TLE5: variants seen among roughly 807,000 people sequenced by gnomAD.
TLE5 encodes TLE family member 5, transcriptional modulator.
In TLE5, 7 loss-of-function variants were observed where a neutral mutation model predicts 25.8. The observed-to-expected ratio is 0.27, with a 90% CI of 0.15 to 0.51. The LOEUF (loss-of-function observed/expected upper bound fraction) is 0.51. Ranked by LOEUF, TLE5 falls within the 20% of genes least tolerant of loss-of-function variation. TLE5 has a pLI of 0.97. For missense variants in TLE5, 149 were observed against 250.7 expected (o/e 0.59, Z 2.74); for synonymous variants, 132 against 110.5 (o/e 1.20, Z -1.22).
chr19:3,058,783 G>A (rs1209386444), intron 2 of TLE5, among the ~76,000 whole-genome samples: 1 of 152,168 alleles, frequency 6.6e-6, no homozygotes, highest in African/African-American at 2.4e-5. Context: ...TGGTGGTGGG[G>A]GAGGTGTCCT....
In TLE5 at chr19:3,053,591, C is replaced by T. The variant is rs963396364; in HGVS notation, c.*228G>A. Reference sequence around the variant, plus strand: ...TTGCCTCACATGTCAGGGCAGGTATCCACCTAACCAGGCTGCAGGGGAGGA... The same window carrying T: ...TTGCCTCACATGTCAGGGCAGGTATTCACCTAACCAGGCTGCAGGGGAGGA... On this transcript the variant is annotated 3_prime_UTR_variant, in exon 7 of 7. Coordinates refer to ENST00000327141, the MANE Select transcript of TLE5 (RefSeq NM_001130.6). 5 of 593,628 alleles carry T rather than the reference C, an allele frequency of 8.4e-6. No homozygotes were observed. In the South Asian group the frequency reaches 1.0e-4, roughly 12 times the overall value. The allele number at this position is 593,628 out of a possible 1,614,324, so 36.8% of individuals were successfully genotyped here.
At chr19:3,057,566 C>CGCTTCCCAGGGGAGGTG in intron 3 of TLE5, 113 bp downstream of exon 3, 1 of 1,025,412 alleles carries the variant, frequency 9.8e-7, no homozygotes, top group East Asian at 2.4e-5. Context: ...CCGATCCTCG[C>CGCTTCCCAGGGGAGGTG]GCTTCCCAGG....
At chr19:3,062,676 G>C, upstream of TLE5, 1 of 1,395,670 alleles carries the variant, frequency 7.2e-7, no homozygotes, top group East Asian at 2.9e-5. Flanking sequence ...GCCCCGGGCA[G>C]CGGCCCCCGC....
Position 3,061,271 on chromosome 19 carries a change from G to T in TLE5, c.28-14C>A, listed in dbSNP as rs764329918. ...GTGCGAGGAGCCCTGTAGGGATGGG[G>T]CGGCCCGGGTCAGGCCCAGGCGTGG... On this transcript the variant is annotated splice_polypyrimidine_tract_variant and intron_variant, in intron 1 of 6. Coordinates refer to ENST00000327141, the MANE Select transcript of TLE5 (RefSeq NM_001130.6). 2 of 1,604,614 alleles carry T rather than the reference G, an allele frequency of 1.2e-6. No individual in the cohort carries two copies. The highest frequency in any genetic ancestry group is 1.7e-6 in the Non-Finnish European group (2 of 1,172,236).
chr19:3,055,691 G>A lies in TLE5; in HGVS notation c.270C>T (p.Ala90=). The A allele has an allele frequency of 1.2e-6, 2 of 1,608,646 alleles. No homozygotes were observed. Among genetic ancestry groups the A allele is most frequent in the Non-Finnish European group, 1.7e-6 (2 of 1,177,248 alleles). The change falls in exon 5 of 7, where the codon GCC becomes GCT. Residue 90 remains alanine (A), a synonymous_variant. Coordinates refer to ENST00000327141, the MANE Select transcript of TLE5 (RefSeq NM_001130.6). ...CTTGGGAGAGGTAGGGCAGGACCTG[G>A]GCACAAATCCCGTTCAGCCTTTTGA... ...EIVKRLNGIC[A]QVLPYLSQEH... is the part of the protein sequence containing the mutation.
chr19:3,062,933 G>A (rs2090285319), upstream of TLE5: 1 of 904,276 alleles, frequency 1.1e-6, no homozygotes, highest in South Asian at 1.4e-5. Flanking sequence ...CACATTTATA[G>A]AACGCCTACT....
rs146560743 is a variant in TLE5 at position 3,054,665 on chromosome 19, C to T, written c.298-471G>A. ...TTCTCCTACCATGGCTGGGGAGGGCCCAATGAATTCTGGCAGGGCTGGCTG... is the reference window on the plus strand; with the variant it reads ...TTCTCCTACCATGGCTGGGGAGGGCTCAATGAATTCTGGCAGGGCTGGCTG... On this transcript the variant is annotated intron_variant, in intron 5 of 6. Coordinates refer to ENST00000327141, the MANE Select transcript of TLE5 (RefSeq NM_001130.6). The T allele has an allele frequency of 3.1e-5, 5 of 163,170 alleles. No individual in the cohort carries two copies. In the East Asian group the frequency reaches 8.7e-4, roughly 28 times the overall value. The allele number at this position is 163,170 out of a possible 1,614,324, so 10.1% of individuals were successfully genotyped here.
chr19:3,059,927 A>ATTCTTC (rs2090250750), intron 2 of TLE5, among the ~76,000 whole-genome samples: 1 of 152,214 alleles, frequency 6.6e-6, no homozygotes, highest in Non-Finnish European at 1.5e-5. Context: ...AATGGGTACG[A>ATTCTTC]CAGTCGGACG....
chr19:3,054,086 T>TCGGGGGGGGGGGCG, intron 6 of TLE5, 34 bp downstream of exon 6: 2 of 1,512,816 alleles, frequency 1.3e-6, no homozygotes, highest in Non-Finnish European at 1.8e-6. Context: ...GGCCCACCTG[T>TCGGGGGGGGGGGCG]CCCCCGCCCA....
intron 4 of TLE5, chr19:3,056,058 G>A: frequency 1.9e-6 from 1 of 538,602 alleles, no homozygotes. Flanking sequence ...GGGGGCCGTA[G>A]GCTGTGGGGA....
chr19:3,056,247 G>A (rs2090216843), intron 4 of TLE5, 65 bp downstream of exon 4: 1 of 1,243,916 alleles, frequency 8.0e-7, no homozygotes, highest in Non-Finnish European at 1.1e-6. Context: ...CCCAAGGCGG[G>A]GCTGGAGGTG....
At chr19:3,055,759 T>C (rs1355418190) in intron 4 of TLE5, 33 bp from the exon 5 acceptor site, 1 of 1,575,032 alleles carries the variant, frequency 6.3e-7, no homozygotes, top group Non-Finnish European at 8.6e-7. Context: ...GCTTCAGTCC[T>C]GGGCGGGTGG....
At position 3,056,366 on chromosome 19, in the gene TLE5, G is replaced by A. The variant is rs1568263993; in HGVS notation, c.190-10C>T. Reference sequence around the variant, plus strand: ...AGGACATCTCGTAGTACTGTATGGGGGAGAGAGAGGGGGAGCGGGAGATGG... The same window carrying A: ...AGGACATCTCGTAGTACTGTATGGGAGAGAGAGAGGGGGAGCGGGAGATGG... On this transcript the variant is annotated splice_polypyrimidine_tract_variant and intron_variant, in intron 3 of 6. Coordinates refer to ENST00000327141, the MANE Select transcript of TLE5 (RefSeq NM_001130.6). 14 of 1,239,140 alleles carry A rather than the reference G, an allele frequency of 1.1e-5. No individual in the cohort carries two copies. Among genetic ancestry groups the A allele is most frequent in the Non-Finnish European group, 1.4e-5 (13 of 937,908 alleles). 76.8% of individuals were successfully genotyped at this position (1,239,140 alleles called of 1,614,324 possible). A position where few individuals can be genotyped will look rare whatever the true frequency, so the allele number is the denominator to read the frequency against.
intron 3 of TLE5, among the ~76,000 whole-genome samples, chr19:3,057,144 G>A (rs1210762490): frequency 6.6e-6 from 1 of 152,218 alleles, no homozygotes. Flanking sequence ...GGGTGGGTAA[G>A]GGAGGGGATT....
At position 3,061,264 on chromosome 19, in the gene TLE5, G is replaced by T. The variant is rs370177759; in HGVS notation, c.28-7C>A. 19 of 1,609,832 alleles carry T rather than the reference G, an allele frequency of 1.2e-5. No homozygotes were observed. In the African/African-American group the frequency reaches 2.1e-4, roughly 18 times the overall value. Reference sequence around the variant, plus strand: ...GGGGTAGGTGCGAGGAGCCCTGTAGGGATGGGGCGGCCCGGGTCAGGCCCA... The same window carrying T: ...GGGGTAGGTGCGAGGAGCCCTGTAGTGATGGGGCGGCCCGGGTCAGGCCCA... On this transcript the variant is annotated splice_polypyrimidine_tract_variant and splice_region_variant and intron_variant, in intron 1 of 6. Coordinates refer to ENST00000327141, the MANE Select transcript of TLE5 (RefSeq NM_001130.6).
intron 1 of TLE5, among the ~76,000 whole-genome samples, chr19:3,061,891 G>GT (rs1555697656): frequency 5.5e-5 from 8 of 145,550 alleles, no homozygotes; most frequent in East Asian, 2.1e-4. Context: ...CGGGTTGGGG[G>GT]GGGGGGGCGC....
At chr19:3,062,785 GCACGACCTGGACGCGTGC>G, upstream of TLE5, 7 of 1,549,706 alleles carry the variant, frequency 4.5e-6, no homozygotes, top group Non-Finnish European at 6.1e-6. Flanking sequence ...CCCTGCTGTG[GCACGACCTGGACGCGTGC>G]CACGGACGTG....
intron 2 of TLE5, among the ~76,000 whole-genome samples, chr19:3,059,790 C>T (rs1400414525): frequency 6.6e-6 from 1 of 152,156 alleles, no homozygotes; most frequent in African/African-American, 2.4e-5. Context: ...ATCAGGTCAG[C>T]CCCGGGGCTC....
At chr19:3,057,235 C>T (rs763727393) in intron 3 of TLE5, among the ~76,000 whole-genome samples, 2 of 152,226 alleles carry the variant, frequency 1.3e-5, no homozygotes, top group African/African-American at 2.4e-5. Flanking sequence ...CACACATCAG[C>T]CCCCCGAAAT....
Sources: allele counts gnomAD v4.1 joint callset (sites outside exome capture counted in the v4.1 genomes callset), GRCh38; gene constraint gnomAD v4.1.1; transcripts MANE v1.5; gene names NCBI Gene and HGNC (gene_info 2026-07-23, HGNC 2026-07-21).